Variants in CCDC85A observed in about 807,000 individuals in gnomAD.
CCDC85A encodes the protein coiled-coil domain-containing protein 85A.
Under a neutral mutation model 50.2 loss-of-function variants are expected in CCDC85A, and 38 were observed. The observed-to-expected ratio is 0.76, with a 90% CI of 0.58 to 0.99. The LOEUF (loss-of-function observed/expected upper bound fraction) is 0.99. Ranked by LOEUF, CCDC85A falls within the 50% of genes least tolerant of loss-of-function variation. The pLI is 0.00. For synonymous variants in CCDC85A, 366 were observed against 301.4 expected (o/e 1.21, Z -2.22); for missense variants, 820 against 742.0 (o/e 1.11, Z -1.22).
At chr2:56,319,550 G>C (rs1673071554) in intron 2 of CCDC85A, among the ~76,000 whole-genome samples, 2 of 152,082 alleles carry the variant, frequency 1.3e-5, no homozygotes, top group Non-Finnish European at 2.9e-5. Flanking sequence ...GCTGATAAAA[G>C]TAAAATATAA....
intron 2 of CCDC85A, among the ~76,000 whole-genome samples, chr2:56,283,386 T>A (rs1467705820): frequency 6.6e-6 from 1 of 152,230 alleles, no homozygotes; most frequent in Admixed American, 6.5e-5. Context: ...TGGCTTTTCT[T>A]CTTTATTACA....
At chr2:56,337,847 C>T (rs1674152566) in intron 2 of CCDC85A, among the ~76,000 whole-genome samples, 1 of 151,124 alleles carries the variant, frequency 6.6e-6, no homozygotes, top group South Asian at 2.1e-4. Flanking sequence ...TGCAGTGGCA[C>T]GATCTCCGCT....
At chr2:56,382,704 T>G (rs191379579) in intron 5 of CCDC85A, among the ~76,000 whole-genome samples, 1 of 152,112 alleles carries the variant, frequency 6.6e-6, no homozygotes, top group African/African-American at 2.4e-5. Context: ...TCTGCCTTCT[T>G]TAAGAGTTTC....
At chr2:56,348,669 A>G (rs1449182498) in intron 3 of CCDC85A, among the ~76,000 whole-genome samples, 3 of 152,178 alleles carry the variant, frequency 2.0e-5, no homozygotes, top group Non-Finnish European at 4.4e-5. Context: ...TCAAGCTCTC[A>G]CTTCCATGGC....
At chr2:56,293,875 A>G (rs1671830462) in intron 2 of CCDC85A, among the ~76,000 whole-genome samples, 1 of 152,226 alleles carries the variant, frequency 6.6e-6, no homozygotes, top group South Asian at 2.1e-4. Flanking sequence ...AATTAGTTCA[A>G]CCATTGTGGA....
intron 2 of CCDC85A, among the ~76,000 whole-genome samples, chr2:56,331,290 T>C (rs754547918): frequency 3.9e-5 from 6 of 152,114 alleles, no homozygotes; most frequent in Non-Finnish European, 7.4e-5. Flanking sequence ...ACCTAATGCA[T>C]GCAAGGCTTA....
At chr2:56,312,471 C>G (rs1355407746) in intron 2 of CCDC85A, among the ~76,000 whole-genome samples, 1 of 151,882 alleles carries the variant, frequency 6.6e-6, no homozygotes, top group Admixed American at 6.6e-5. Context: ...GCATTAGGGC[C>G]CTTTGTATAA....
chr2:56,352,774 G>A (rs529661451), intron 3 of CCDC85A, among the ~76,000 whole-genome samples: 12 of 152,336 alleles, frequency 7.9e-5, no homozygotes, highest in African/African-American at 2.4e-4. Flanking sequence ...GAGAGGCACT[G>A]TGAATTGCTA....
intron 5 of CCDC85A, chr2:56,383,672 C>T: frequency 1.0e-6 from 1 of 985,016 alleles, no homozygotes; most frequent in Non-Finnish European, 1.2e-6. Flanking sequence ...CTGATGACCC[C>T]ACTCTGTAGA....
chr2:56,375,834 T>G lies in CCDC85A; in HGVS notation c.1471T>G (p.Ser491Ala), dbSNP rs1676306982. Residue 491 changes from serine (S) to alanine (A), a missense_variant, in exon 5 of 6, where the codon TCA (serine) becomes GCA (alanine). Transcript: ENST00000407595. Reference sequence around the variant, plus strand: ...TACTAAGGGTTCTTTTAGGTTGTCATCAGGGGCTGATGGGAGTAACAGTTC... The same window carrying G: ...TACTAAGGGTTCTTTTAGGTTGTCAGCAGGGGCTGATGGGAGTAACAGTTC... ...PTLPGSFRLS[S>A]GADGSNSSPN... The G allele has an allele frequency of 1.2e-6, 2 of 1,613,582 alleles. No homozygotes were observed. Among genetic ancestry groups the G allele is most frequent in the Non-Finnish European group, 1.7e-6 (2 of 1,179,756 alleles).
intron 2 of CCDC85A, among the ~76,000 whole-genome samples, chr2:56,315,693 A>C (rs932997706): frequency 6.6e-6 from 1 of 152,148 alleles, no homozygotes; most frequent in East Asian, 1.9e-4. Flanking sequence ...GGCTCTGCCA[A>C]AATAGAAGGC....
intron 3 of CCDC85A, among the ~76,000 whole-genome samples, chr2:56,344,176 T>A (rs1674515764): frequency 6.6e-6 from 1 of 152,152 alleles, no homozygotes; most frequent in Admixed American, 6.5e-5. Context: ...TATACATAAA[T>A]ATATATGATA....
At chr2:56,300,177 G>T (rs545655632) in intron 2 of CCDC85A, among the ~76,000 whole-genome samples, 5 of 149,392 alleles carry the variant, frequency 3.3e-5, no homozygotes, top group Admixed American at 1.3e-4. Flanking sequence ...CTTAGACACT[G>T]GGGGAGTAAG....
At chr2:56,290,752 T>G (rs1671665883) in intron 2 of CCDC85A, among the ~76,000 whole-genome samples, 2 of 152,258 alleles carry the variant, frequency 1.3e-5, no homozygotes, top group Admixed American at 6.5e-5. Flanking sequence ...ATTTGGCACT[T>G]TCCTCTATAC....
chr2:56,184,435 C>A lies in CCDC85A; in HGVS notation c.-190C>A. 4 of 591,416 alleles carry A rather than the reference C, an allele frequency of 6.8e-6. No homozygotes were observed. Among genetic ancestry groups the A allele is most frequent in the Non-Finnish European group, 7.2e-6 (3 of 417,436 alleles). 36.6% of individuals were successfully genotyped at this position (591,416 alleles called of 1,614,324 possible). ...CGGGCCCTGGGGGAGCGCGGGCGCG[C>A]GCGCGGGGATGGCGAGGTAGGATGG... On this transcript the variant is annotated 5_prime_UTR_variant, in exon 1 of 6. Transcript: ENST00000407595.
At chr2:56,228,902 A>G (rs1668660022) in intron 2 of CCDC85A, among the ~76,000 whole-genome samples, 1 of 152,160 alleles carries the variant, frequency 6.6e-6, no homozygotes, top group Admixed American at 6.5e-5. Context: ...TATGTTTTTA[A>G]CTACCTTCTA....
At chr2:56,216,951 G>A (rs1573039591) in intron 2 of CCDC85A, among the ~76,000 whole-genome samples, 2 of 151,700 alleles carry the variant, frequency 1.3e-5, no homozygotes, top group East Asian at 1.9e-4. Context: ...CAACCAAATC[G>A]TTGCATTTTC....
At chr2:56,259,409 C>T (rs181559042) in intron 2 of CCDC85A, among the ~76,000 whole-genome samples, 1 of 152,280 alleles carries the variant, frequency 6.6e-6, no homozygotes, top group East Asian at 1.9e-4. Context: ...GCCTATTGCT[C>T]CAGTGCCTCC....
intron 2 of CCDC85A, among the ~76,000 whole-genome samples, chr2:56,321,671 T>A (rs1673195011): frequency 6.6e-6 from 1 of 152,210 alleles, no homozygotes; most frequent in African/African-American, 2.4e-5. Flanking sequence ...GAACGTTCCA[T>A]GCTCGTGGAT....
Sources: allele counts gnomAD v4.1 joint callset (sites outside exome capture counted in the v4.1 genomes callset), GRCh38; gene constraint gnomAD v4.1.1; transcripts MANE v1.5; gene names NCBI Gene and HGNC (gene_info 2026-07-23, HGNC 2026-07-21).